SNTG2: variants seen among roughly 807,000 people sequenced by gnomAD.
SNTG2 encodes syntrophin gamma 2.
A neutral mutation model predicts 70.9 loss-of-function variants in SNTG2; 74 were observed. That is an observed-to-expected ratio of 1.04 (90% CI 0.86 to 1.27). The LOEUF (loss-of-function observed/expected upper bound fraction) is 1.27. Among genes scored for constraint, SNTG2 ranks in the 50% most tolerant of loss-of-function variants. The pLI is 0.00. For synonymous variants in SNTG2, 278 were observed against 273.8 expected (o/e 1.02, Z -0.15); for missense variants, 717 against 690.7 (o/e 1.04, Z -0.43).
chr2:1,207,787 C>T (rs374857079), intron 8 of SNTG2, among the ~76,000 whole-genome samples: 2 of 152,174 alleles, frequency 1.3e-5, no homozygotes, highest in Non-Finnish European at 2.9e-5. Flanking sequence ...GCCAGTTCAG[C>T]GGCACAGAAC....
chr2:1,115,944 G>T (rs1572477644), intron 4 of SNTG2, among the ~76,000 whole-genome samples: 1 of 152,370 alleles, frequency 6.6e-6, no homozygotes, highest in Non-Finnish European at 1.5e-5. Flanking sequence ...ATGGCCCAGG[G>T]CCTGCCCTCC....
At chr2:1,132,729 C>T (rs926211091) in intron 4 of SNTG2, among the ~76,000 whole-genome samples, 2 of 152,252 alleles carry the variant, frequency 1.3e-5, no homozygotes, top group Admixed American at 6.5e-5. Flanking sequence ...GTGGAAGAAG[C>T]TGAGCCATGT....
intron 14 of SNTG2, among the ~76,000 whole-genome samples, chr2:1,296,463 C>T (rs1283302435): frequency 6.6e-6 from 1 of 152,226 alleles, no homozygotes; most frequent in Admixed American, 6.5e-5. Flanking sequence ...CCGCTACCTG[C>T]CCCTTAGGCA....
chr2:964,556 G>A (rs1660462573), intron 1 of SNTG2, among the ~76,000 whole-genome samples: 1 of 152,222 alleles, frequency 6.6e-6, no homozygotes, highest in Admixed American at 6.5e-5. Flanking sequence ...AAGGATGGGA[G>A]GAGGAAGGGC....
intron 4 of SNTG2, among the ~76,000 whole-genome samples, chr2:1,105,514 C>T (rs1311670629): frequency 1.3e-5 from 2 of 152,156 alleles, no homozygotes; most frequent in Non-Finnish European, 2.9e-5. Context: ...CTTAAGGCAG[C>T]CTTCAGCCTA....
At chr2:1,268,167 T>C (rs1351511150) in intron 14 of SNTG2, among the ~76,000 whole-genome samples, 1 of 152,156 alleles carries the variant, frequency 6.6e-6, no homozygotes, top group Non-Finnish European at 1.5e-5. Flanking sequence ...GGATGATCCT[T>C]CAGGGAGGAT....
chr2:1,216,766 A>G (rs1408300631), intron 9 of SNTG2, among the ~76,000 whole-genome samples: 1 of 152,190 alleles, frequency 6.6e-6, no homozygotes, highest in Non-Finnish European at 1.5e-5. Context: ...CCCAAATATC[A>G]TCTTGAATTG....
chr2:1,142,887 G>T (rs923367949), intron 6 of SNTG2, among the ~76,000 whole-genome samples: 1 of 152,176 alleles, frequency 6.6e-6, no homozygotes, highest in African/African-American at 2.4e-5. Context: ...CATGACCATT[G>T]CATTGCAATT....
chr2:1,171,358 G>A (rs1671114457), intron 7 of SNTG2, among the ~76,000 whole-genome samples: 2 of 152,168 alleles, frequency 1.3e-5, no homozygotes, highest in African/African-American at 2.4e-5. Context: ...CATTAGTCAT[G>A]TGTCTCCTTT....
At position 1,071,659 on chromosome 2, in the gene SNTG2, A is replaced by G. The variant is rs1472261016; in HGVS notation, c.73-11859A>G. On this transcript the variant is annotated intron_variant, in intron 1 of 16. Coordinates refer to ENST00000308624, the MANE Select transcript of SNTG2 (RefSeq NM_018968.4). ...ACTTAAAGTATAATAATAAAAAAAA[A>G]AAAACTAGAGAAGATCAAGCTTAGT... 4.6e-5 allele frequency among the ~76,000 whole-genome samples: 7 copies of G among 152,212 alleles called. No homozygotes were observed. In the East Asian group the frequency reaches 1.2e-3, roughly 25 times the overall value.
Position 1,005,030 on chromosome 2 carries a change from CA to C in SNTG2, c.72+53969del, listed in dbSNP as rs553487268. On this transcript the variant is annotated intron_variant, in intron 1 of 16. Coordinates refer to ENST00000308624, the MANE Select transcript of SNTG2 (RefSeq NM_018968.4). ...TAAAAAGAAATGAACTATCAAGCCA[CA>C]AAAAAATGGAGGAAATTTACATGCA... is the stretch of plus-strand genomic sequence containing the variant. Among the ~76,000 whole-genome samples the C allele has an allele frequency of 2.6e-4, 39 of 151,990 alleles. 1 individual carries two copies. Among genetic ancestry groups the C allele is most frequent in the African/African-American group, 8.9e-4 (37 of 41,454 alleles).
chr2:1,240,017 A>C (rs1676946409), intron 11 of SNTG2, among the ~76,000 whole-genome samples: 1 of 152,190 alleles, frequency 6.6e-6, no homozygotes, highest in African/African-American at 2.4e-5. Flanking sequence ...TCCTGTGTAT[A>C]GATTATTTCT....
chr2:1,202,546 G>A (rs187411749), intron 8 of SNTG2, among the ~76,000 whole-genome samples: 2 of 152,114 alleles, frequency 1.3e-5, no homozygotes, highest in African/African-American at 4.8e-5. Flanking sequence ...AAGACCAATA[G>A]CAACATGTAA....
In SNTG2 at chr2:1,091,605, G is replaced by A. The variant is rs149012391; in HGVS notation, c.211-6591G>A. The stretch of plus-strand genomic sequence containing the variant: ...ACGGGGCCGCTCCCCCATGAAGCCC[G>A]CCAAGGGCAGCTTTTGTCATTCCTG... On this transcript the variant is annotated intron_variant, in intron 2 of 16. Coordinates refer to ENST00000308624, the MANE Select transcript of SNTG2 (RefSeq NM_018968.4). 6.5e-3 allele frequency among the ~76,000 whole-genome samples: 995 copies of A among 152,270 alleles called. 16 individuals are homozygous for A. Among genetic ancestry groups the A allele is most frequent in the African/African-American group, 0.023 (941 of 41,558 alleles).
intron 10 of SNTG2, among the ~76,000 whole-genome samples, chr2:1,239,060 A>T (rs927023818): frequency 2.6e-5 from 4 of 152,248 alleles, no homozygotes; most frequent in African/African-American, 9.6e-5. Flanking sequence ...GTAGTTTTCA[A>T]ACGCAACACT....
At chr2:1,125,551 C>A (rs922025388) in intron 4 of SNTG2, among the ~76,000 whole-genome samples, 1 of 152,164 alleles carries the variant, frequency 6.6e-6, no homozygotes, top group African/African-American at 2.4e-5. Flanking sequence ...AACTACCATA[C>A]CTCCAAAACA....
Position 976,983 on chromosome 2 carries a change from G to A in SNTG2, c.72+25915G>A, listed in dbSNP as rs572504742. ...GTGGGTAAGGCCAAGGGTCTTGTGG[G>A]ATTTCTCAAGGATTGGAGGTGGCAG... On this transcript the variant is annotated intron_variant, in intron 1 of 16. Transcript: ENST00000308624. Among the ~76,000 whole-genome samples the A allele has an allele frequency of 2.0e-5, 3 of 152,318 alleles. No homozygotes were observed. The East Asian group carries it at 5.8e-4, about 29-fold the overall frequency.
At chr2:1,118,878 G>A (rs1268588655) in intron 4 of SNTG2, among the ~76,000 whole-genome samples, 1 of 152,170 alleles carries the variant, frequency 6.6e-6, no homozygotes, top group African/African-American at 2.4e-5. Flanking sequence ...AAACTTGGAA[G>A]TTTTCAGTCT....
At chr2:996,305 T>G (rs922443563) in intron 1 of SNTG2, among the ~76,000 whole-genome samples, 8 of 152,188 alleles carry the variant, frequency 5.3e-5, no homozygotes, top group African/African-American at 1.9e-4. Context: ...CTGCCAGAAA[T>G]CAGCTCAGAA....
Sources: allele counts gnomAD v4.1 joint callset (sites outside exome capture counted in the v4.1 genomes callset), GRCh38; gene constraint gnomAD v4.1.1; transcripts MANE v1.5; gene names NCBI Gene and HGNC (gene_info 2026-07-23, HGNC 2026-07-21).